Variants in TWSG1 observed in about 807,000 individuals in gnomAD.
The protein encoded by TWSG1 is twisted gastrulation protein homolog 1.
TWSG1 carries 15 observed loss-of-function variants against 23.0 expected under a neutral mutation model. That is an observed-to-expected ratio of 0.65 (90% CI 0.44 to 1.00). The LOEUF (loss-of-function observed/expected upper bound fraction) is 1.00, where lower values mean the gene tolerates loss of function less well. Among genes scored for constraint, TWSG1 ranks in the 50% least tolerant of loss-of-function variants. TWSG1 has a pLI of 0.00. For missense variants in TWSG1, 242 were observed against 278.7 expected, an observed-to-expected ratio of 0.87 and a Z score of 0.94; for synonymous variants, 86 against 92.8, an observed-to-expected ratio of 0.93 and a Z score of 0.42.
rs374421729 is a variant in TWSG1 at position 9,396,560 on chromosome 18, G to A, written c.490+14G>A. On this transcript the variant is annotated intron_variant, in intron 4 of 4. Transcript: ENST00000262120. ...CCAGTGACAAAGGTAACTGCCAACA[G>A]TTGACTTTTTCCATTCCGCCCCCTC... is the stretch of plus-strand genomic sequence containing the variant. 16 of 1,605,882 alleles carry A rather than the reference G, an allele frequency of 1.0e-5. No individual in the cohort carries two copies. In the East Asian group the frequency reaches 1.3e-4, roughly 13 times the overall value.
chr18:9,364,106 CCT>C lies in TWSG1; in HGVS notation c.223+4041_223+4042del, dbSNP rs574082533. Among the ~76,000 whole-genome samples the C allele has an allele frequency of 2.8e-4, 42 of 152,284 alleles. 1 individual carries two copies. In the Middle Eastern group the frequency reaches 0.01, roughly 37 times the overall value. The stretch of plus-strand genomic sequence containing the variant: ...TTATTCTAAAACAGTTTCTTCTCCC[CCT>C]CTCTCCCATCCTTTAATATTCCATT... On this transcript the variant is annotated intron_variant, in intron 3 of 4. Coordinates refer to ENST00000262120, the MANE Select transcript of TWSG1 (RefSeq NM_020648.6).
intron 1 of TWSG1, among the ~76,000 whole-genome samples, chr18:9,336,884 T>G (rs1345301436): frequency 6.6e-6 from 1 of 152,210 alleles, no homozygotes; most frequent in African/African-American, 2.4e-5. Flanking sequence ...ATATAATCTT[T>G]CATTGAGAAT....
chr18:9,399,060 A>C (rs1026633437), intron 4 of TWSG1, among the ~76,000 whole-genome samples: 3 of 152,206 alleles, frequency 2.0e-5, no homozygotes, highest in Non-Finnish European at 2.9e-5. Flanking sequence ...AACATAGCAA[A>C]TGTTTTTAAG....
At chr18:9,361,146 G>A (rs549239707) in intron 3 of TWSG1, among the ~76,000 whole-genome samples, 18 of 152,268 alleles carry the variant, frequency 1.2e-4, no homozygotes, top group African/African-American at 4.3e-4. Context: ...TATTTTGGGT[G>A]TATGGTGTAC....
At chr18:9,385,515 C>T (rs1052001721) in intron 3 of TWSG1, among the ~76,000 whole-genome samples, 1 of 54,874 alleles carries the variant, frequency 1.8e-5, no homozygotes, top group Non-Finnish European at 3.7e-5. Flanking sequence ...GGTGAAACCC[C>T]GTCTCTACTA....
chr18:9,364,667 A>G (rs1047538620), intron 3 of TWSG1, among the ~76,000 whole-genome samples: 4 of 152,006 alleles, frequency 2.6e-5, no homozygotes, highest in South Asian at 2.1e-4. Flanking sequence ...GGTGGTAGGC[A>G]CCTGTAATCC....
chr18:9,368,956 A>G (rs531142573), intron 3 of TWSG1, among the ~76,000 whole-genome samples: 50 of 150,908 alleles, frequency 3.3e-4, no homozygotes, highest in Admixed American at 7.2e-4. Context: ...TCAAAAAAAA[A>G]AAATTAGCTG....
In TWSG1 at chr18:9,384,599, C is replaced by T. The variant is rs1471952897; in HGVS notation, c.224-11681C>T. 6.0e-5 allele frequency among the ~76,000 whole-genome samples: 9 copies of T among 150,464 alleles called. 1 individual carries two copies. The highest frequency in any genetic ancestry group is 6.0e-4 in the Admixed American group (9 of 15,060). ...TAAAAGGAACAATTGTAATTTGAGT[C>T]TGCATCAGATATCTAAAAGGAAAGA... On this transcript the variant is annotated intron_variant, in intron 3 of 4. Transcript: ENST00000262120.
intron 4 of TWSG1, 42 bp downstream of exon 4, chr18:9,396,588 G>T (rs769778372): frequency 2.8e-5 from 45 of 1,593,678 alleles, no homozygotes; most frequent in Non-Finnish European, 3.7e-5. Flanking sequence ...GCCCCCTCAT[G>T]TGGTCTGTCC....
At chr18:9,393,374 G>C (rs974680574) in intron 3 of TWSG1, among the ~76,000 whole-genome samples, 3 of 152,218 alleles carry the variant, frequency 2.0e-5, no homozygotes, top group African/African-American at 7.2e-5. Flanking sequence ...CTTTGGGGCT[G>C]AGTTTTGTGG....
intron 2 of TWSG1, among the ~76,000 whole-genome samples, chr18:9,355,353 G>A (rs1371653386): frequency 6.6e-6 from 1 of 152,174 alleles, no homozygotes; most frequent in Non-Finnish European, 1.5e-5. Flanking sequence ...ATCACAGAGA[G>A]TTGTTCTGAG....
At chr18:9,356,337 G>T (rs1356971678) in intron 2 of TWSG1, among the ~76,000 whole-genome samples, 5 of 152,148 alleles carry the variant, frequency 3.3e-5, no homozygotes, top group Non-Finnish European at 7.4e-5. Flanking sequence ...TTTTAAATAG[G>T]CCGTTAGTTT....
Position 9,401,850 on chromosome 18 carries a change from T to TA in TWSG1, c.*2329dup, listed in dbSNP as rs1050230794. 5.9e-5 allele frequency: 9 copies of TA among 152,098 alleles called. No individual in the cohort carries two copies. The highest frequency in any genetic ancestry group is 1.3e-4 in the Non-Finnish European group (9 of 67,992). The allele number at this position is 152,098 out of a possible 1,614,324, so 9.4% of individuals were successfully genotyped here. On this transcript the variant is annotated 3_prime_UTR_variant, in exon 5 of 5. Coordinates refer to ENST00000262120, the MANE Select transcript of TWSG1 (RefSeq NM_020648.6). ...GTAAAAATTCTTTTTTCTTTTTTAA[T>TA]AAAAAATTAGGTTATTACTTTTTTT...
chr18:9,347,567 T>A, intron 2 of TWSG1, among the ~76,000 whole-genome samples: 1 of 152,298 alleles, frequency 6.6e-6, no homozygotes, highest in Middle Eastern at 3.4e-3. Flanking sequence ...TTAAATTTAT[T>A]TATCAGTATT....
intron 3 of TWSG1, among the ~76,000 whole-genome samples, chr18:9,377,324 T>G (rs1173621962): frequency 6.6e-6 from 1 of 151,960 alleles, no homozygotes; most frequent in African/African-American, 2.4e-5. Flanking sequence ...GTTCAAGCGA[T>G]TCTCCTGTCT....
chr18:9,394,176 A>C (rs1168465873), intron 3 of TWSG1, among the ~76,000 whole-genome samples: 1 of 152,258 alleles, frequency 6.6e-6, no homozygotes, highest in Non-Finnish European at 1.5e-5. Context: ...AGATGAATGC[A>C]TAAAGAAAAT....
intron 2 of TWSG1, among the ~76,000 whole-genome samples, chr18:9,338,737 G>T (rs1299585537): frequency 2.0e-5 from 3 of 152,174 alleles, no homozygotes; most frequent in African/African-American, 7.2e-5. Context: ...GTCAGATGAG[G>T]AGTCTGTGGT....
intron 4 of TWSG1, 123 bp downstream of exon 4, chr18:9,396,669 A>C: frequency 3.0e-5 from 37 of 1,234,370 alleles, no homozygotes; most frequent in African/African-American, 4.6e-5. Context: ...GTATCATCTC[A>C]CATAAATTCT....
intron 2 of TWSG1, among the ~76,000 whole-genome samples, chr18:9,356,971 T>TAAAAAAA (rs34315660): frequency 8.2e-6 from 1 of 122,342 alleles, no homozygotes; most frequent in African/African-American, 3.1e-5. Context: ...TTTATAAATC[T>TAAAAAAA]AAAAAAAAAA....
Sources: allele counts gnomAD v4.1 joint callset (sites outside exome capture counted in the v4.1 genomes callset), GRCh38; gene constraint gnomAD v4.1.1; transcripts MANE v1.5; gene names NCBI Gene and HGNC (gene_info 2026-07-23, HGNC 2026-07-21).